Variants in DLGAP2 observed in about 807,000 individuals in gnomAD.
DLGAP2 encodes the protein disks large-associated protein 2.
DLGAP2 carries 26 observed loss-of-function variants against 100.3 expected under a neutral mutation model. The ratio of observed to expected loss-of-function variants is 0.26; its 90% CI spans 0.19 to 0.36. DLGAP2 has a LOEUF of 0.36. Ranked by LOEUF, DLGAP2 falls within the 10% of genes least tolerant of loss-of-function variation. The pLI, the probability that DLGAP2 is intolerant of heterozygous loss-of-function variation, is 1.00. For synonymous variants in DLGAP2, 886 were observed against 630.1 expected (o/e 1.41, Z -6.08); for missense variants, 1,858 against 1,453.2 (o/e 1.28, Z -4.53).
intron 3 of DLGAP2, among the ~76,000 whole-genome samples, chr8:1,498,519 T>A (rs1799616069): frequency 6.6e-6 from 1 of 152,138 alleles, no homozygotes; most frequent in African/African-American, 2.4e-5. Flanking sequence ...ACTCCGTGGT[T>A]TGTAGGGCAT....
At chr8:939,905 C>G (rs1009865737) in intron 2 of DLGAP2, among the ~76,000 whole-genome samples, 3 of 151,440 alleles carry the variant, frequency 2.0e-5, no homozygotes, top group Non-Finnish European at 2.9e-5. Flanking sequence ...CCCCAGGCTG[C>G]GGTCCCATGA....
At chr8:903,443 A>G (rs17065445) in intron 1 of DLGAP2, among the ~76,000 whole-genome samples, 7,402 of 152,164 alleles carry the variant, frequency 0.049, 258 homozygotes, top group African/African-American at 0.089. Flanking sequence ...AAAATCAGCC[A>G]CAACAGGCCT....
intron 2 of DLGAP2, among the ~76,000 whole-genome samples, chr8:1,210,559 G>C (rs1188245487): frequency 1.1e-4 from 17 of 152,338 alleles, no homozygotes; most frequent in Non-Finnish European, 4.4e-5. Flanking sequence ...GGCCCACTGA[G>C]TGGGGAGTGT....
intron 2 of DLGAP2, among the ~76,000 whole-genome samples, chr8:924,865 C>G (rs1242559009): frequency 6.6e-6 from 1 of 152,148 alleles, no homozygotes; most frequent in African/African-American, 2.4e-5. Flanking sequence ...GGATTGCCAG[C>G]ATGAGCCACC....
intron 3 of DLGAP2, among the ~76,000 whole-genome samples, chr8:1,491,918 T>A (rs1000062009): frequency 6.6e-6 from 1 of 152,220 alleles, no homozygotes; most frequent in Non-Finnish European, 1.5e-5. Flanking sequence ...TGGTAAGGCC[T>A]GCGGAGCTCC....
At position 1,632,695 on chromosome 8, in the gene DLGAP2, C is replaced by T. The variant is rs1346763789; in HGVS notation, c.1591-132C>T. On this transcript the variant is annotated intron_variant, in intron 7 of 14. Coordinates refer to ENST00000637795, the MANE Select transcript of DLGAP2 (RefSeq NM_001346810.2). ...CAAGCTCAGCCGATGCCCATGCTGA[C>T]TTCAGGTTAACTGTGCTGAACTATG... 3 of 840,158 alleles carry T rather than the reference C, an allele frequency of 3.6e-6. No individual in the cohort carries two copies. In the Admixed American group the frequency reaches 8.8e-5, roughly 25 times the overall value. The allele number at this position is 840,158 out of a possible 1,614,324, so 52.0% of individuals were successfully genotyped here.
intron 8 of DLGAP2, among the ~76,000 whole-genome samples, chr8:1,659,351 A>G (rs546128891): frequency 3.3e-5 from 5 of 152,278 alleles, no homozygotes; most frequent in South Asian, 2.1e-4. Context: ...GTAGATGTCT[A>G]TTAGGTCCAC....
intron 4 of DLGAP2, among the ~76,000 whole-genome samples, chr8:1,523,029 A>C (rs929041602): frequency 4.7e-4 from 71 of 152,334 alleles, no homozygotes; most frequent in African/African-American, 1.5e-3. Context: ...CTGGAGACTC[A>C]CTGGTCAGAA....
chr8:1,441,122 C>T (rs1242443772), intron 3 of DLGAP2, among the ~76,000 whole-genome samples: 5 of 152,054 alleles, frequency 3.3e-5, no homozygotes, highest in Non-Finnish European at 7.4e-5. Context: ...CCAAGAAATG[C>T]AGTTTTGAGG....
intron 3 of DLGAP2, among the ~76,000 whole-genome samples, chr8:1,411,524 G>A (rs34071461): frequency 0.27 from 41,664 of 152,050 alleles, 5,898 homozygotes; most frequent in Middle Eastern, 0.35. Context: ...CAGGAAGACG[G>A]AGTCATAAAC....
Position 1,166,896 on chromosome 8 carries a change from C to T in DLGAP2, c.74-91955C>T, listed in dbSNP as rs147819177. Among the ~76,000 whole-genome samples the T allele has an allele frequency of 2.8e-3, 426 of 152,140 alleles. 1 individual carries two copies. The highest frequency in any genetic ancestry group is 9.2e-3 in the African/African-American group (383 of 41,492). On this transcript the variant is annotated intron_variant, in intron 2 of 14. Transcript: ENST00000637795. ...TGAATTTTGAAAGAAAAAAACACTCCTAGTGTTTGGGAGGCCAAGGTGAGA... is the reference window on the plus strand; with the variant it reads ...TGAATTTTGAAAGAAAAAAACACTCTTAGTGTTTGGGAGGCCAAGGTGAGA...
chr8:769,130 C>T (rs1351389136), intron 1 of DLGAP2, among the ~76,000 whole-genome samples: 4 of 152,036 alleles, frequency 2.6e-5, no homozygotes, highest in Admixed American at 6.6e-5. Context: ...CAGCTCGGAT[C>T]TCTAGAGAAA....
At chr8:1,662,583 A>G (rs1041605258) in intron 8 of DLGAP2, among the ~76,000 whole-genome samples, 1 of 152,266 alleles carries the variant, frequency 6.6e-6, no homozygotes, top group African/African-American at 2.4e-5. Context: ...CTGGAGAAGC[A>G]TCTGAATCTC....
chr8:1,228,975 G>T (rs1438049318), intron 2 of DLGAP2, among the ~76,000 whole-genome samples: 1 of 152,084 alleles, frequency 6.6e-6, no homozygotes, highest in African/African-American at 2.4e-5. Context: ...TGGAAAGGAA[G>T]AAGCAAAACA....
In DLGAP2 at chr8:1,549,083, G is replaced by A; in HGVS notation, c.630G>A (p.Leu210=). 1.3e-6 allele frequency: 2 copies of A among 1,587,188 alleles called. No individual in the cohort carries two copies. The change falls in exon 5 of 15, where the codon CTG becomes CTA. Residue 210 remains leucine (L), a synonymous_variant. Coordinates refer to ENST00000637795, the MANE Select transcript of DLGAP2 (RefSeq NM_001346810.2). The stretch of plus-strand genomic sequence containing the variant: ...TGCACCGGGACGGCTTCCACACGCT[G>A]CAGTACCAGAGGACGTCCGCGGCCG... The part of the protein sequence containing the change: ...LPLHRDGFHT[L]QYQRTSAAAE...
chr8:1,294,758 C>G lies in DLGAP2; in HGVS notation c.106+35875C>G, dbSNP rs73670715. Among the ~76,000 whole-genome samples, 329 of 151,814 alleles carry G rather than the reference C, an allele frequency of 2.2e-3. 1 individual carries two copies. Among genetic ancestry groups the G allele is most frequent in the African/African-American group, 7.6e-3 (315 of 41,432 alleles). On this transcript the variant is annotated intron_variant, in intron 3 of 14. Transcript: ENST00000637795. ...GTGGTGCACACGTGTAATCCTGGCA[C>G]TTTGGGAGGCTGAGACAGTAGGATT...
intron 2 of DLGAP2, among the ~76,000 whole-genome samples, chr8:997,912 A>ACAAG (rs1800828990): frequency 1.6e-5 from 2 of 128,224 alleles, no homozygotes; most frequent in Admixed American, 1.8e-4. Context: ...ATGCATGCAT[A>ACAAG]CAAACATGCA....
intron 1 of DLGAP2, among the ~76,000 whole-genome samples, chr8:832,795 GAGACTGTGCTC>G (rs1340210199): frequency 6.6e-6 from 1 of 152,238 alleles, no homozygotes; most frequent in Non-Finnish European, 1.5e-5. Flanking sequence ...TCCCTGACAG[GAGACTGTGCTC>G]AGCCTTGGGT....
rs921379467 is a variant in DLGAP2, at chr8:844,884, G to A, written c.19-63028G>A. Among the ~76,000 whole-genome samples, 5 of 152,074 alleles carry A rather than the reference G, an allele frequency of 3.3e-5. 1 individual carries two copies. Among genetic ancestry groups the A allele is most frequent in the African/African-American group, 4.8e-5 (2 of 41,410 alleles). On this transcript the variant is annotated intron_variant, in intron 1 of 14. Transcript: ENST00000637795. The stretch of plus-strand genomic sequence containing the variant: ...GCCACCACAAATCCACTTCTGTCTC[G>A]GTTGATTACCATGCTCTGGACATTT...
Sources: gnomAD v4.1 joint callset for allele counts (sites outside exome capture counted in the v4.1 genomes callset) on GRCh38, gnomAD v4.1.1 for gene constraint, MANE v1.5 for transcripts, NCBI Gene and HGNC (gene_info 2026-07-23, HGNC 2026-07-21) for gene names.